SGCD: variants seen among roughly 807,000 people sequenced by gnomAD.
SGCD encodes sarcoglycan delta.
In SGCD, 18 loss-of-function variants were observed where a neutral mutation model predicts 36.6. The ratio of observed to expected loss-of-function variants is 0.49; its 90% CI spans 0.34 to 0.73. SGCD has a LOEUF of 0.73. SGCD is among the 30% of genes least tolerant of loss of function. The pLI, the probability that SGCD is intolerant of heterozygous loss-of-function variation, is 0.01. For missense variants in SGCD, 387 were observed against 346.7 expected, an observed-to-expected ratio of 1.12 and a Z score of -0.92; for synonymous variants, 133 against 130.6, an observed-to-expected ratio of 1.02 and a Z score of -0.12.
At chr5:155,970,714 C>T (rs892356617) in intron 1 of SGCD, among the ~76,000 whole-genome samples, 13 of 152,210 alleles carry the variant, frequency 8.5e-5, no homozygotes, top group South Asian at 2.1e-4. Flanking sequence ...TTATGTATAA[C>T]GTGTATACAT....
chr5:155,813,024 T>A, the SGCD span, among the ~76,000 whole-genome samples: 4 of 152,044 alleles, frequency 2.6e-5, no homozygotes, highest in African/African-American at 9.7e-5. Context: ...GAGCTAATTA[T>A]CTGATGATAG....
intron 3 of SGCD, among the ~76,000 whole-genome samples, chr5:156,386,247 A>G (rs1771272642): frequency 6.6e-6 from 1 of 152,168 alleles, no homozygotes; most frequent in East Asian, 1.9e-4. Flanking sequence ...GACAAGGTAA[A>G]GAGGGTGGAC....
chr5:155,943,450 C>T (rs1268833504), intron 1 of SGCD, among the ~76,000 whole-genome samples: 1 of 152,056 alleles, frequency 6.6e-6, no homozygotes, highest in African/African-American at 2.4e-5. Context: ...TTAGTAAGCA[C>T]CTACTTCGTA....
At chr5:156,565,649 A>T (rs1759449526) in intron 4 of SGCD, among the ~76,000 whole-genome samples, 2 of 152,170 alleles carry the variant, frequency 1.3e-5, no homozygotes, top group East Asian at 3.8e-4. Flanking sequence ...TGCACCCATC[A>T]GCCCGTCATC....
chr5:156,757,674 A>G lies in SGCD; in HGVS notation c.669A>G (p.Thr223=), dbSNP rs772491019. 5 of 1,608,526 alleles carry G rather than the reference A, an allele frequency of 3.1e-6. No individual in the cohort carries two copies. The East Asian group carries it at 8.9e-5, about 29-fold the overall frequency. ...GCAATATGGAAGCCACCTGCAGGACAGAGCTGAGACTGGAATCCAAAGATG... is the reference window on the plus strand; with the variant it reads ...GCAATATGGAAGCCACCTGCAGGACGGAGCTGAGACTGGAATCCAAAGATG... ...EAGNMEATCR[T]ELRLESKDGE... is the part of the protein sequence containing the mutation. The change falls in exon 8 of 9, where the codon ACA becomes ACG. Residue 223 remains threonine (T), a synonymous_variant. Transcript: ENST00000337851.
At chr5:156,717,983 T>C (rs1755304474) in intron 7 of SGCD, among the ~76,000 whole-genome samples, 1 of 152,156 alleles carries the variant, frequency 6.6e-6, no homozygotes, top group South Asian at 2.1e-4. Context: ...GACAGTACTT[T>C]CTATGTCTGC....
At chr5:156,298,851 T>G (rs1766972890) in intron 3 of SGCD, among the ~76,000 whole-genome samples, 1 of 152,308 alleles carries the variant, frequency 6.6e-6, no homozygotes, top group East Asian at 1.9e-4. Flanking sequence ...TATTAATCCC[T>G]TTTCAGATTA....
intron 6 of SGCD, among the ~76,000 whole-genome samples, chr5:156,607,810 T>A (rs2113444641): frequency 6.6e-6 from 1 of 152,370 alleles, no homozygotes; most frequent in Non-Finnish European, 1.5e-5. Context: ...CCATTTCTTC[T>A]AGATTTTCTA....
At chr5:156,373,945 C>G (rs1219517075) in intron 3 of SGCD, among the ~76,000 whole-genome samples, 1 of 152,068 alleles carries the variant, frequency 6.6e-6, no homozygotes, top group Non-Finnish European at 1.5e-5. Context: ...AAACAAAGAC[C>G]TTAGATGCCT....
intron 3 of SGCD, among the ~76,000 whole-genome samples, chr5:156,384,483 C>T (rs946442012): frequency 1.3e-5 from 2 of 152,226 alleles, no homozygotes; most frequent in East Asian, 3.9e-4. Context: ...GAATAAGAAC[C>T]TTATCTATCT....
chr5:156,019,544 T>G (rs886637192), intron 1 of SGCD, among the ~76,000 whole-genome samples: 8 of 152,234 alleles, frequency 5.3e-5, no homozygotes, highest in African/African-American at 1.9e-4. Flanking sequence ...TCAGTAATTT[T>G]GGGGTGTGTG....
chr5:156,047,790 G>T (rs188188723), intron 1 of SGCD, among the ~76,000 whole-genome samples: 2 of 151,920 alleles, frequency 1.3e-5, no homozygotes, highest in East Asian at 3.9e-4. Context: ...ATGGATCAAA[G>T]ATTTATTTTG....
chr5:156,439,723 A>G (rs982887670), intron 3 of SGCD, among the ~76,000 whole-genome samples: 1 of 152,326 alleles, frequency 6.6e-6, no homozygotes, highest in Non-Finnish European at 1.5e-5. Flanking sequence ...CTGCTTTAGC[A>G]TGAACTCTTG....
intron 3 of SGCD, among the ~76,000 whole-genome samples, chr5:156,362,770 C>A (rs753440608): frequency 6.6e-6 from 1 of 152,212 alleles, no homozygotes; most frequent in Non-Finnish European, 1.5e-5. Flanking sequence ...CATTTCATGA[C>A]ATATACTCTA....
chr5:156,438,305 A>G (rs1239545873), intron 3 of SGCD, among the ~76,000 whole-genome samples: 1 of 152,010 alleles, frequency 6.6e-6, no homozygotes, highest in East Asian at 1.9e-4. Context: ...GAGAGCTGAC[A>G]TTTTCTGGCA....
At chr5:156,749,782 G>A (rs1325418107) in intron 7 of SGCD, among the ~76,000 whole-genome samples, 1 of 151,908 alleles carries the variant, frequency 6.6e-6, no homozygotes, top group Non-Finnish European at 1.5e-5. Flanking sequence ...ATTTTTTGGT[G>A]GAAAAACATG....
At chr5:156,228,705 T>G (rs1473003423) in intron 3 of SGCD, among the ~76,000 whole-genome samples, 2 of 150,006 alleles carry the variant, frequency 1.3e-5, no homozygotes, top group Admixed American at 6.6e-5. Flanking sequence ...ATACCGTGGT[T>G]TTTTGTTTTT....
At chr5:156,009,508 C>G (rs183763690) in intron 1 of SGCD, among the ~76,000 whole-genome samples, 10 of 152,266 alleles carry the variant, frequency 6.6e-5, no homozygotes, top group Non-Finnish European at 1.3e-4. Context: ...CATTAATCTT[C>G]GTTCTTTGGA....
chr5:156,523,119 T>C (rs1757482462), intron 4 of SGCD, among the ~76,000 whole-genome samples: 1 of 152,174 alleles, frequency 6.6e-6, no homozygotes, highest in Non-Finnish European at 1.5e-5. Context: ...CTTCATTTAC[T>C]GATTGGGGCA....
Sources: allele counts gnomAD v4.1 joint callset (sites outside exome capture counted in the v4.1 genomes callset), GRCh38; gene constraint gnomAD v4.1.1; transcripts MANE v1.5; gene names NCBI Gene and HGNC (gene_info 2026-07-23, HGNC 2026-07-21).